Variants in DPP10 observed in about 807,000 individuals in gnomAD.
The protein encoded by DPP10 is inactive dipeptidyl peptidase 10.
Under a neutral mutation model 120.9 loss-of-function variants are expected in DPP10, and 33 were observed. That is an observed-to-expected ratio of 0.27 (90% confidence interval 0.21 to 0.37). The LOEUF is 0.37. DPP10 is among the 10% of genes least tolerant of loss of function. The pLI, the probability that DPP10 is intolerant of heterozygous loss-of-function variation, is 1.00. For missense variants in DPP10, 816 were observed against 942.8 expected, an observed-to-expected ratio of 0.87 and a Z score of 1.76; for synonymous variants, 337 against 326.1, an observed-to-expected ratio of 1.03 and a Z score of -0.36.
chr2:114,944,850 T>A (rs1015042345), intron 1 of DPP10, among the ~76,000 whole-genome samples: 1 of 152,200 alleles, frequency 6.6e-6, no homozygotes, highest in African/African-American at 2.4e-5. Context: ...CAGGAGTTTT[T>A]GCAATGACTT....
At chr2:115,705,769 TC>T in intron 7 of DPP10, among the ~76,000 whole-genome samples, 1 of 151,956 alleles carries the variant, frequency 6.6e-6, no homozygotes, top group Non-Finnish European at 1.5e-5. Context: ...TTTCATTTTA[TC>T]TGAAACAAAA....
chr2:115,318,294 G>T (rs1373158671), intron 2 of DPP10, among the ~76,000 whole-genome samples: 2 of 152,024 alleles, frequency 1.3e-5, no homozygotes, highest in Non-Finnish European at 2.9e-5. Context: ...CTCTATATCT[G>T]TCCTCATGCT....
intron 1 of DPP10, among the ~76,000 whole-genome samples, chr2:115,206,558 A>G (rs1466718578): frequency 6.6e-6 from 1 of 152,184 alleles, no homozygotes; most frequent in Non-Finnish European, 1.5e-5. Context: ...TTCCAAAGTC[A>G]AGCTATTGAC....
chr2:114,897,070 A>G (rs1693073595), intron 1 of DPP10, among the ~76,000 whole-genome samples: 1 of 152,178 alleles, frequency 6.6e-6, no homozygotes, highest in African/African-American at 2.4e-5. Flanking sequence ...CCAGCCTTGC[A>G]TCCCAGGGAT....
At chr2:115,325,444 TTTA>T (rs1271389623) in intron 2 of DPP10, among the ~76,000 whole-genome samples, 1 of 152,130 alleles carries the variant, frequency 6.6e-6, no homozygotes, top group Non-Finnish European at 1.5e-5. Context: ...TTGAATAATA[TTTA>T]TTATAACCCT....
Position 114,824,069 on chromosome 2 carries a change from A to T in DPP10, c.60+381231A>T, listed in dbSNP as rs570228587. 9.2e-5 allele frequency among the ~76,000 whole-genome samples: 14 copies of T among 152,254 alleles called. No individual in the cohort carries two copies. In the East Asian group the frequency reaches 2.5e-3, roughly 27 times the overall value. On this transcript the variant is annotated intron_variant, in intron 1 of 25. Coordinates refer to ENST00000410059, the MANE Select transcript of DPP10 (RefSeq NM_020868.6). ...ACAGAGTACCAGCAATTTTTAATTG[A>T]TTTTTTCCTCAGCTTCTACTTACCA...
chr2:114,879,842 A>G (rs1691463827), intron 1 of DPP10, among the ~76,000 whole-genome samples: 1 of 152,150 alleles, frequency 6.6e-6, no homozygotes, highest in Admixed American at 6.6e-5. Flanking sequence ...GCTGTCAATG[A>G]GCTTCCCTCA....
chr2:115,794,009 G>T (rs1023420703), intron 19 of DPP10, among the ~76,000 whole-genome samples: 6 of 152,058 alleles, frequency 3.9e-5, no homozygotes, highest in African/African-American at 1.4e-4. Flanking sequence ...ATGATTTAAA[G>T]CCATATTTTT....
At chr2:115,547,526 C>A (rs1431042950) in intron 5 of DPP10, among the ~76,000 whole-genome samples, 2 of 152,128 alleles carry the variant, frequency 1.3e-5, no homozygotes, top group African/African-American at 4.8e-5. Context: ...GTAATCCCAG[C>A]ACTTTGGGAC....
At chr2:115,782,906 CA>C (rs1484127979) in intron 17 of DPP10, among the ~76,000 whole-genome samples, 6 of 152,064 alleles carry the variant, frequency 3.9e-5, no homozygotes, top group Admixed American at 3.9e-4. Context: ...GTTAAGAGAT[CA>C]CCTACTTTTG....
At chr2:115,025,543 G>T (rs1466684719) in intron 1 of DPP10, among the ~76,000 whole-genome samples, 1 of 151,968 alleles carries the variant, frequency 6.6e-6, no homozygotes, top group East Asian at 1.9e-4. Flanking sequence ...AGATCATACG[G>T]TAATTCTATT....
intron 1 of DPP10, among the ~76,000 whole-genome samples, chr2:114,570,702 G>A (rs184437995): frequency 9.2e-5 from 14 of 151,396 alleles, no homozygotes; most frequent in African/African-American, 2.2e-4. Flanking sequence ...GCGTGGTGGC[G>A]GGCGCCTGTA....
chr2:115,483,161 C>T (rs1574976361), intron 3 of DPP10, among the ~76,000 whole-genome samples: 2 of 151,960 alleles, frequency 1.3e-5, no homozygotes, highest in East Asian at 3.9e-4. Flanking sequence ...ACGTTACCTC[C>T]ATCATCATCA....
intron 1 of DPP10, among the ~76,000 whole-genome samples, chr2:115,129,573 A>T (rs1468646935): frequency 1.3e-5 from 2 of 152,158 alleles, no homozygotes; most frequent in Non-Finnish European, 2.9e-5. Flanking sequence ...TATATCACTT[A>T]TTTGTAGAAT....
At chr2:114,998,904 A>G (rs1205844825) in intron 1 of DPP10, among the ~76,000 whole-genome samples, 2 of 152,310 alleles carry the variant, frequency 1.3e-5, no homozygotes, top group South Asian at 2.1e-4. Flanking sequence ...CTTTCTAACC[A>G]GAGCTGGGAA....
rs138262339 is a variant in DPP10, at chr2:114,581,853, G to A, written c.60+139015G>A. Among the ~76,000 whole-genome samples, 583 of 152,266 alleles carry A rather than the reference G, an allele frequency of 3.8e-3. 3 individuals carry two copies. Among genetic ancestry groups the A allele is most frequent in the African/African-American group, 9.8e-3 (408 of 41,556 alleles). On this transcript the variant is annotated intron_variant, in intron 1 of 25. Coordinates refer to ENST00000410059, the MANE Select transcript of DPP10 (RefSeq NM_020868.6). ...AGAAAAACTGAATGGGGCACACAGG[G>A]AGTATGCATATATCTGCCACATCCT...
chr2:115,526,716 T>C (rs1234179237), intron 5 of DPP10, among the ~76,000 whole-genome samples: 1 of 152,116 alleles, frequency 6.6e-6, no homozygotes, highest in Non-Finnish European at 1.5e-5. Flanking sequence ...ACAATAAAAA[T>C]TTATGAACTT....
chr2:115,674,909 G>A (rs978611886), intron 5 of DPP10, among the ~76,000 whole-genome samples: 5 of 152,032 alleles, frequency 3.3e-5, no homozygotes, highest in African/African-American at 9.7e-5. Flanking sequence ...ATTCTCTCTT[G>A]AACAACAAAT....
At chr2:115,665,007 A>G (rs879023768) in intron 5 of DPP10, among the ~76,000 whole-genome samples, 2 of 152,198 alleles carry the variant, frequency 1.3e-5, no homozygotes, top group Admixed American at 1.3e-4. Context: ...CTGAACATTT[A>G]TATCATTGAG....
Sources: allele counts gnomAD v4.1 joint callset (sites outside exome capture counted in the v4.1 genomes callset), GRCh38; gene constraint gnomAD v4.1.1; transcripts MANE v1.5; gene names NCBI Gene and HGNC (gene_info 2026-07-23, HGNC 2026-07-21).